IKBKB: variants seen among roughly 807,000 people sequenced by gnomAD.
IKBKB encodes the protein inhibitor of nuclear factor kappa B kinase subunit beta.
In IKBKB, 42 loss-of-function variants were observed where a neutral mutation model predicts 113.6. That is an observed-to-expected ratio of 0.37 (90% CI 0.29 to 0.48). The LOEUF is 0.48. Among genes scored for constraint, IKBKB ranks in the 20% least tolerant of loss-of-function variants. The probability of loss-of-function intolerance (pLI) is 0.99; values close to 1 mark genes in which losing one functional copy is unlikely to be tolerated. For synonymous variants in IKBKB, 296 were observed against 361.3 expected, an observed-to-expected ratio of 0.82 and a Z score of 2.05; for missense variants, 673 against 939.7, an observed-to-expected ratio of 0.72 and a Z score of 3.71.
intron 5 of IKBKB, among the ~76,000 whole-genome samples, chr8:42,294,592 TTTAAGG>T (rs545305611): frequency 8.9e-4 from 136 of 152,312 alleles, no homozygotes; most frequent in Non-Finnish European, 1.5e-3. Flanking sequence ...CAATGACATA[TTTAAGG>T]TTAAGATCCA....
intron 2 of IKBKB, among the ~76,000 whole-genome samples, chr8:42,273,632 T>C (rs1475734914): frequency 1.3e-5 from 2 of 152,036 alleles, no homozygotes; most frequent in East Asian, 3.9e-4. Flanking sequence ...TCTCAAACTC[T>C]CATCCTCAAG....
intron 19 of IKBKB, among the ~76,000 whole-genome samples, chr8:42,324,440 T>C (rs1411690708): frequency 6.6e-6 from 1 of 152,092 alleles, no homozygotes; most frequent in East Asian, 1.9e-4. Context: ...AATTTTTGTA[T>C]TTTTAGTGGA....
intron 2 of IKBKB, among the ~76,000 whole-genome samples, chr8:42,276,138 C>T (rs1159431033): frequency 5.3e-5 from 8 of 152,166 alleles, no homozygotes; most frequent in African/African-American, 1.9e-4. Flanking sequence ...ACTGCGCTAG[C>T]CTTGTTTGTA....
intron 5 of IKBKB, among the ~76,000 whole-genome samples, chr8:42,303,170 CAGAG>C (rs539851672): frequency 1.3e-4 from 19 of 143,752 alleles, no homozygotes; most frequent in African/African-American, 3.1e-4. Flanking sequence ...GAGAGAGAAA[CAGAG>C]AGAATGAGAA....
chr8:42,295,113 A>C (rs143357057), intron 5 of IKBKB, among the ~76,000 whole-genome samples: 1 of 145,852 alleles, frequency 6.9e-6, no homozygotes, highest in African/African-American at 2.5e-5. Context: ...TTATTACGAA[A>C]GTCTTTTTTT....
intron 2 of IKBKB, among the ~76,000 whole-genome samples, chr8:42,285,260 A>G (rs1436853137): frequency 2.0e-5 from 3 of 151,848 alleles, no homozygotes; most frequent in African/African-American, 7.2e-5. Context: ...AATAGCAACA[A>G]GGTGGCCGGG....
intron 5 of IKBKB, among the ~76,000 whole-genome samples, chr8:42,298,723 G>T (rs1343125093): frequency 6.6e-6 from 1 of 152,116 alleles, no homozygotes; most frequent in East Asian, 1.9e-4. Context: ...TGGCCGCAGC[G>T]TCCCCTTCTT....
At chr8:42,283,499 A>G (rs934868869) in intron 2 of IKBKB, among the ~76,000 whole-genome samples, 2 of 152,248 alleles carry the variant, frequency 1.3e-5, no homozygotes, top group African/African-American at 4.8e-5. Context: ...CAGCAGAGCC[A>G]GGGTCAGCCG....
chr8:42,312,264 G>A (rs1234262947), intron 8 of IKBKB, among the ~76,000 whole-genome samples: 1 of 152,202 alleles, frequency 6.6e-6, no homozygotes, highest in Non-Finnish European at 1.5e-5. Flanking sequence ...GACAAGATGA[G>A]TTAAAATCCA....
chr8:42,329,620 A>G, intron 21 of IKBKB: 1 of 984,586 alleles, frequency 1.0e-6, no homozygotes, highest in Non-Finnish European at 1.2e-6. Context: ...GGAACACTTA[A>G]TTCCGATGAT....
chr8:42,298,508 T>C, intron 5 of IKBKB: 1 of 983,620 alleles, frequency 1.0e-6, no homozygotes, highest in Non-Finnish European at 1.2e-6. Context: ...TCTAGCATTG[T>C]GGATCTTCTG....
chr8:42,303,609 A>G (rs1688709906), intron 5 of IKBKB, among the ~76,000 whole-genome samples: 2 of 151,766 alleles, frequency 1.3e-5, no homozygotes, highest in African/African-American at 2.4e-5. Context: ...GGTTCAAGCA[A>G]TTCTCCTGCC....
intron 5 of IKBKB, among the ~76,000 whole-genome samples, chr8:42,304,106 AT>A (rs1816005392): frequency 6.6e-6 from 1 of 152,174 alleles, no homozygotes; most frequent in East Asian, 1.9e-4. Context: ...CTGCAACTGG[AT>A]ATAGCTAACA....
Position 42,306,362 on chromosome 8 carries a change from A to C in IKBKB, c.497A>C (p.Asp166Ala), listed in dbSNP as rs1437183868. 1 of 1,611,042 alleles carries C rather than the reference A, an allele frequency of 6.2e-7. No individual in the cohort carries two copies. The highest frequency in any genetic ancestry group is 8.5e-7 in the Non-Finnish European group (1 of 1,177,318). ...GEQRLIHKIIDLGYAKELDQG... is the reference protein window; with the variant it reads ...GEQRLIHKIIALGYAKELDQG... Reference sequence around the variant, plus strand: ...TTTTAGTTAATACACAAAATTATTGACCTAGGATATGCCAAGGAGCTGGAT... The same window carrying C: ...TTTTAGTTAATACACAAAATTATTGCCCTAGGATATGCCAAGGAGCTGGAT... Residue 166 changes from aspartate (D) to alanine (A), a missense_variant, in exon 7 of 22, where the codon GAC (aspartate) becomes GCC (alanine). Physicochemically the swap from Asp to Ala is moderately radical, Grantham distance 126. This residue lies in a region of IKBKB where 167 missense variants were observed against 301.0 expected (regional missense o/e 0.55). Coordinates refer to ENST00000520810, the MANE Select transcript of IKBKB (RefSeq NM_001556.3).
chr8:42,325,106 G>A, intron 19 of IKBKB: 5 of 421,248 alleles, frequency 1.2e-5, no homozygotes, highest in Non-Finnish European at 1.6e-5. Flanking sequence ...TACATGGGTG[G>A]GTTGGGGACC....
rs1359967317 is a variant in IKBKB, at chr8:42,322,336, A to G, written c.1839-11A>G. 1 of 1,613,430 alleles carries G rather than the reference A, an allele frequency of 6.2e-7. No homozygotes were observed. The highest frequency in any genetic ancestry group is 1.1e-5 in the South Asian group (1 of 91,020). The stretch of plus-strand genomic sequence containing the variant: ...CAAATGCCATTAGTTTGCCATGTTT[A>G]TTCTTTGCAGTAAAACTGTGGTTTG... On this transcript the variant is annotated splice_polypyrimidine_tract_variant and intron_variant, in intron 18 of 21. Transcript: ENST00000520810.
chr8:42,283,761 C>T (rs956234301), intron 2 of IKBKB, among the ~76,000 whole-genome samples: 8 of 152,196 alleles, frequency 5.3e-5, no homozygotes, highest in Non-Finnish European at 7.3e-5. Flanking sequence ...TAATTTATTA[C>T]GGCAGCAATA....
At chr8:42,325,175 T>C in intron 19 of IKBKB, 1 of 974,218 alleles carries the variant, frequency 1.0e-6, no homozygotes, top group Non-Finnish European at 1.2e-6. Flanking sequence ...TCGTGGGCTG[T>C]GAGCTGAGGA....
rs141540257 is a variant in IKBKB, at chr8:42,282,245, A to G, written c.106-6389A>G. Among the ~76,000 whole-genome samples, 295 of 152,290 alleles carry G rather than the reference A, an allele frequency of 1.9e-3. 3 individuals are homozygous for G. The Middle Eastern group carries it at 0.024, about 12-fold the overall frequency. On this transcript the variant is annotated intron_variant, in intron 2 of 21. Transcript: ENST00000520810. ...GTAGTCCACGCTGGAGTGCAGCAGC[A>G]TGATCACAGCTCAACGCAGGTCTCG... is the stretch of plus-strand genomic sequence containing the variant.
Sources: allele counts gnomAD v4.1 joint callset (sites outside exome capture counted in the v4.1 genomes callset), GRCh38; gene constraint gnomAD v4.1.1; regional missense constraint gnomAD v4.1.1; transcripts MANE v1.5; gene names NCBI Gene and HGNC (gene_info 2026-07-23, HGNC 2026-07-21).